The following SAMD3 variants were observed in gnomAD, a reference collection of about 807,000 sequenced individuals.
SAMD3 encodes sterile alpha motif domain containing 3.
SAMD3 carries 63 observed loss-of-function variants against 58.5 expected under a neutral mutation model. The observed-to-expected ratio is 1.08, with a 90% CI of 0.88 to 1.33. The LOEUF (loss-of-function observed/expected upper bound fraction) is 1.33, where lower values mean the gene tolerates loss of function less well. Ranked by LOEUF, SAMD3 falls within the 40% of genes most tolerant of loss-of-function variation. SAMD3 has a pLI of 0.00. For synonymous variants in SAMD3, 220 were observed against 210.3 expected (o/e 1.05, Z -0.40); for missense variants, 604 against 608.4 (o/e 0.99, Z 0.08).
intron 2 of SAMD3, among the ~76,000 whole-genome samples, chr6:130,307,060 A>AT (rs1345483670): frequency 3.3e-5 from 5 of 152,130 alleles, no homozygotes; most frequent in African/African-American, 9.7e-5. Flanking sequence ...TTTTTACTGT[A>AT]TTTTTTGTGC....
rs190613782 is a variant in SAMD3, at chr6:130,197,206, C to T, written c.383+12289G>A. The stretch of plus-strand genomic sequence containing the variant: ...TATAGACGCTCCGTTTTATTAGGCC[C>T]AGTCTCATTCCAGACACCAGACCAA... On this transcript the variant is annotated intron_variant, in intron 5 of 11. Transcript: ENST00000439090. Among the ~76,000 whole-genome samples the T allele has an allele frequency of 1.4e-3, 220 of 152,312 alleles. 1 individual carries two copies. Among genetic ancestry groups the T allele is most frequent in the African/African-American group, 5.0e-3 (208 of 41,574 alleles).
intron 8 of SAMD3, among the ~76,000 whole-genome samples, chr6:130,157,076 T>A (rs75665582): frequency 1.0e-4 from 1 of 9,920 alleles, no homozygotes; most frequent in Non-Finnish European, 2.4e-4. Flanking sequence ...TCTCAAAAAA[T>A]AAATAAATAA....
chr6:130,293,372 C>T (rs1167096111), intron 2 of SAMD3, among the ~76,000 whole-genome samples: 1 of 152,146 alleles, frequency 6.6e-6, no homozygotes, highest in Non-Finnish European at 1.5e-5. Flanking sequence ...ATCCTTGACC[C>T]ACAATGTATC....
chr6:130,286,855 G>A (rs1275458552), intron 2 of SAMD3, among the ~76,000 whole-genome samples: 1 of 152,118 alleles, frequency 6.6e-6, no homozygotes, highest in Non-Finnish European at 1.5e-5. Flanking sequence ...GACTAGAGGT[G>A]CACACAACCA....
intron 2 of SAMD3, among the ~76,000 whole-genome samples, chr6:130,293,597 A>G (rs990069849): frequency 4.1e-5 from 6 of 144,938 alleles, no homozygotes; most frequent in African/African-American, 1.5e-4. Context: ...TAGTCCTAAG[A>G]ATAGCCCCAG....
chr6:130,298,832 T>C (rs1463594746), intron 2 of SAMD3, among the ~76,000 whole-genome samples: 1 of 152,124 alleles, frequency 6.6e-6, no homozygotes, highest in East Asian at 1.9e-4. Context: ...GGTTACTATT[T>C]TTATATCAGA....
At chr6:130,184,714 C>T (rs1377641062) in intron 5 of SAMD3, 91 bp from the exon 6 acceptor site, 145 of 1,125,086 alleles carry the variant, frequency 1.3e-4, no homozygotes, top group Non-Finnish European at 1.7e-4. Flanking sequence ...ATGAAATAAA[C>T]AACTTTCCTG....
intron 4 of SAMD3, among the ~76,000 whole-genome samples, chr6:130,212,175 C>T (rs1232957367): frequency 6.6e-6 from 1 of 151,942 alleles, no homozygotes; most frequent in Non-Finnish European, 1.5e-5. Context: ...CCTCTTTCTA[C>T]TATCATTCTC....
In SAMD3 at chr6:130,158,499, A is replaced by G. The variant is rs376580528; in HGVS notation, c.823-3474T>C. Among the ~76,000 whole-genome samples, 62 of 152,294 alleles carry G rather than the reference A, an allele frequency of 4.1e-4. 1 individual carries two copies. In the Middle Eastern group the frequency reaches 0.017, roughly 42 times the overall value. ...TATCCATAAGGAAAAAAAAAATCCC[A>G]TATGGCTTAAGAAGTTAAATTTTAA... On this transcript the variant is annotated intron_variant, in intron 8 of 11. Transcript: ENST00000439090.
intron 1 of SAMD3, among the ~76,000 whole-genome samples, chr6:130,342,629 TC>T (rs1185209439): frequency 8.5e-5 from 13 of 152,134 alleles, no homozygotes; most frequent in African/African-American, 3.1e-4. Context: ...AATAAACACC[TC>T]TTTTTCTTTA....
intron 2 of SAMD3, among the ~76,000 whole-genome samples, chr6:130,294,001 T>G (rs1038181179): frequency 3.3e-5 from 5 of 152,078 alleles, no homozygotes; most frequent in Non-Finnish European, 7.4e-5. Context: ...GCAGACAACC[T>G]CTTGGATTAC....
At chr6:130,193,052 G>A (rs1409224384) in intron 5 of SAMD3, among the ~76,000 whole-genome samples, 2 of 152,154 alleles carry the variant, frequency 1.3e-5, no homozygotes, top group African/African-American at 4.8e-5. Context: ...GACTGGGAAG[G>A]CAGCCTTCCC....
chr6:130,341,142 GGAGGGAGGGAGGAAGA>G (rs1022972411), intron 1 of SAMD3, among the ~76,000 whole-genome samples: 5 of 145,098 alleles, frequency 3.4e-5, no homozygotes, highest in South Asian at 2.2e-4. Context: ...AAACACAGAG[GGAGGGAGGGAGGAAGA>G]GAGGGAGGGA....
intron 1 of SAMD3, among the ~76,000 whole-genome samples, chr6:130,340,046 A>G (rs1475450853): frequency 6.6e-6 from 1 of 152,206 alleles, no homozygotes; most frequent in Non-Finnish European, 1.5e-5. Context: ...AATCTCCACT[A>G]ATCTTACTGA....
At chr6:130,319,482 G>C (rs549838794) in intron 1 of SAMD3, among the ~76,000 whole-genome samples, 1 of 152,254 alleles carries the variant, frequency 6.6e-6, no homozygotes, top group East Asian at 1.9e-4. Context: ...GACAACAGTG[G>C]AGCAACATCA....
At chr6:130,196,758 C>G (rs1236615428) in intron 5 of SAMD3, among the ~76,000 whole-genome samples, 34 of 152,236 alleles carry the variant, frequency 2.2e-4, no homozygotes, top group Admixed American at 4.6e-4. Context: ...ATTAGCTTTA[C>G]TCAACATGCC....
rs900166143 is a variant in SAMD3 at position 130,285,747 on chromosome 6, T to G, written c.-188+27231A>C. Among the ~76,000 whole-genome samples, 7 of 152,218 alleles carry G rather than the reference T, an allele frequency of 4.6e-5. No individual in the cohort carries two copies. In the South Asian group the frequency reaches 1.0e-3, roughly 23 times the overall value. ...TTATGCCCAGTGACAATTTTAAAAG[T>G]CCATCTTATTCCCAGTTAAAGGAAA... On this transcript the variant is annotated intron_variant, in intron 2 of 13. Coordinates refer to the SAMD3 transcript ENST00000368134.
intron 2 of SAMD3, among the ~76,000 whole-genome samples, chr6:130,246,011 A>T (rs966196521): frequency 1.3e-5 from 2 of 152,182 alleles, no homozygotes; most frequent in African/African-American, 4.8e-5. Context: ...GGAAGCATAG[A>T]TCAATCTGCA....
At chr6:130,230,175 G>A (rs1796502275) in intron 2 of SAMD3, among the ~76,000 whole-genome samples, 1 of 152,136 alleles carries the variant, frequency 6.6e-6, no homozygotes, top group Non-Finnish European at 1.5e-5. Flanking sequence ...ATTACTTCGA[G>A]CCTATCAGGA....
Sources: gnomAD v4.1 joint callset for allele counts (sites outside exome capture counted in the v4.1 genomes callset) on GRCh38, gnomAD v4.1.1 for gene constraint, MANE v1.5 for transcripts, NCBI Gene and HGNC (gene_info 2026-07-23, HGNC 2026-07-21) for gene names.